Variants in PPARG observed in about 807,000 individuals in gnomAD.
PPARG encodes peroxisome proliferator-activated receptor gamma.
PPARG carries 17 observed loss-of-function variants against 39.2 expected under a neutral mutation model. The observed-to-expected ratio is 0.43, with a 90% confidence interval of 0.30 to 0.65. The LOEUF (loss-of-function observed/expected upper bound fraction) is 0.65. PPARG is among the 30% of genes least tolerant of loss of function. The probability of loss-of-function intolerance (pLI) is 0.13; values close to 1 mark genes in which losing one functional copy is unlikely to be tolerated. For synonymous variants in PPARG, 223 were observed against 215.7 expected (o/e 1.03, Z -0.30); for missense variants, 406 against 585.9 (o/e 0.69, Z 3.17).
chr3:12,287,731 G>A (rs1166056727), upstream of PPARG: 3 of 151,110 alleles, frequency 2.0e-5, no homozygotes, highest in Admixed American at 6.6e-5. Context: ...TCCCGCCGTG[G>A]GCCCTACTGT....
At chr3:12,309,778 C>G (rs2047175211) in intron 1 of PPARG, among the ~76,000 whole-genome samples, 2 of 152,222 alleles carry the variant, frequency 1.3e-5, no homozygotes, top group Middle Eastern at 3.4e-3. Flanking sequence ...CTGCCCTTGG[C>G]CTGCCTTATT....
chr3:12,431,786 C>T (rs1007807061), intron 7 of PPARG, among the ~76,000 whole-genome samples: 54 of 151,886 alleles, frequency 3.6e-4, no homozygotes, highest in African/African-American at 9.4e-4. Context: ...CAAAAAATTT[C>T]GAAATTAGTT....
At chr3:12,364,265 A>G (rs1041478986) in intron 2 of PPARG, among the ~76,000 whole-genome samples, 2 of 152,138 alleles carry the variant, frequency 1.3e-5, no homozygotes, top group African/African-American at 4.8e-5. Flanking sequence ...CTGTTTTGAT[A>G]GTTTTGCGCT....
intron 1 of PPARG, chr3:12,305,920 A>G (rs1189559598): frequency 2.0e-5 from 3 of 152,252 alleles, no homozygotes; most frequent in African/African-American, 4.8e-5. Flanking sequence ...ATAACTCCAT[A>G]ATTAACTCAA....
intron 2 of PPARG, among the ~76,000 whole-genome samples, chr3:12,363,602 C>A (rs902971132): frequency 1.3e-5 from 2 of 152,148 alleles, no homozygotes; most frequent in African/African-American, 4.8e-5. Context: ...AAACCCTGAC[C>A]CCATCTGTCT....
intron 1 of PPARG, among the ~76,000 whole-genome samples, chr3:12,310,783 C>A (rs1471137758): frequency 9.2e-6 from 1 of 109,032 alleles, no homozygotes; most frequent in African/African-American, 3.6e-5. Context: ...TAATAGTTGC[C>A]TTAAATGTAA....
At chr3:12,402,061 A>G (rs796671554) in intron 5 of PPARG, among the ~76,000 whole-genome samples, 1 of 152,306 alleles carries the variant, frequency 6.6e-6, no homozygotes, top group African/African-American at 2.4e-5. Context: ...TTGATTACCC[A>G]TTAGGAAAAA....
intron 2 of PPARG, among the ~76,000 whole-genome samples, chr3:12,371,118 A>G (rs529206173): frequency 4.6e-5 from 7 of 152,162 alleles, no homozygotes; most frequent in Admixed American, 6.5e-5. Context: ...ATTTATTGAG[A>G]ACTTATTAAG....
chr3:12,407,408 G>A (rs1459052919), intron 6 of PPARG, among the ~76,000 whole-genome samples: 3 of 152,070 alleles, frequency 2.0e-5, no homozygotes, highest in African/African-American at 4.8e-5. Flanking sequence ...TGATCTGCCC[G>A]CCTCTGCCTC....
chr3:12,301,362 G>T (rs12631819), intron 1 of PPARG, among the ~76,000 whole-genome samples: 6,525 of 152,126 alleles, frequency 0.043, 385 homozygotes, highest in East Asian at 0.33. Context: ...AAATAAAACT[G>T]GTTCTCTTCT....
intron 7 of PPARG, among the ~76,000 whole-genome samples, chr3:12,427,843 C>A (rs1289184039): frequency 6.6e-6 from 1 of 152,210 alleles, no homozygotes; most frequent in Admixed American, 6.5e-5. Context: ...TCAGCCCACA[C>A]CTGAACTAAG....
chr3:12,300,374 C>T (rs891743326), intron 1 of PPARG, among the ~76,000 whole-genome samples: 9 of 152,210 alleles, frequency 5.9e-5, no homozygotes, highest in Non-Finnish European at 4.4e-5. Flanking sequence ...TTGAACACAG[C>T]GCATTGCCAT....
chr3:12,347,312 C>A (rs1250914356), intron 2 of PPARG, among the ~76,000 whole-genome samples: 2 of 151,996 alleles, frequency 1.3e-5, no homozygotes, highest in Admixed American at 6.6e-5. Context: ...TAGCAAGACC[C>A]CGGTCAAAAA....
intron 2 of PPARG, among the ~76,000 whole-genome samples, chr3:12,378,210 A>G (rs534167291): frequency 6.6e-6 from 1 of 152,188 alleles, no homozygotes; most frequent in African/African-American, 2.4e-5. Flanking sequence ...AACAGAATGG[A>G]CTGCCTCAAA....
chr3:12,347,853 C>T (rs535928885), intron 2 of PPARG, among the ~76,000 whole-genome samples: 1 of 152,294 alleles, frequency 6.6e-6, no homozygotes, highest in South Asian at 2.1e-4. Flanking sequence ...ACCAGGGACT[C>T]TGCTAGGTTC....
chr3:12,348,953 C>G (rs2048403309), intron 2 of PPARG, among the ~76,000 whole-genome samples: 1 of 152,134 alleles, frequency 6.6e-6, no homozygotes, highest in African/African-American at 2.4e-5. Context: ...AATCTTAAGG[C>G]TTTGAAGATA....
intron 2 of PPARG, among the ~76,000 whole-genome samples, chr3:12,344,193 A>G (rs1051872406): frequency 6.6e-6 from 1 of 152,144 alleles, no homozygotes; most frequent in Non-Finnish European, 1.5e-5. Flanking sequence ...GTCTAGACAA[A>G]TTTTTATTTT....
chr3:12,318,637 G>T (rs2047452257), intron 2 of PPARG, among the ~76,000 whole-genome samples: 1 of 152,050 alleles, frequency 6.6e-6, no homozygotes, highest in African/African-American at 2.4e-5. Flanking sequence ...TCTGTTTGGG[G>T]GTTCAGTGTC....
At chr3:12,380,631 A>G (rs2049613825) in intron 3 of PPARG, among the ~76,000 whole-genome samples, 1 of 152,140 alleles carries the variant, frequency 6.6e-6, no homozygotes, top group South Asian at 2.1e-4. Context: ...AACTTCCTGT[A>G]TTTCTAGTGG....
Sources: allele counts gnomAD v4.1 joint callset (sites outside exome capture counted in the v4.1 genomes callset), GRCh38; gene constraint gnomAD v4.1.1; transcripts MANE v1.5; gene names NCBI Gene and HGNC (gene_info 2026-07-23, HGNC 2026-07-21).